The following RNF150 variants were observed in gnomAD, a reference collection of about 807,000 sequenced individuals.
RNF150 encodes the protein ring finger protein 150.
In RNF150, 24 loss-of-function variants were observed where a neutral mutation model predicts 39.3. The observed-to-expected ratio is 0.61, with a 90% CI of 0.44 to 0.86. The LOEUF is 0.86. RNF150 is among the 40% of genes least tolerant of loss of function. RNF150 has a pLI of 0.00. For missense variants in RNF150, 502 were observed against 587.8 expected (o/e 0.85, Z 1.51); for synonymous variants, 255 against 227.3 (o/e 1.12, Z -1.10).
intron 1 of RNF150, among the ~76,000 whole-genome samples, chr4:141,006,261 CGTATATATATACATACATATATACGT>C (rs1361920396): frequency 1.3e-5 from 2 of 148,658 alleles, no homozygotes; most frequent in Non-Finnish European, 3.0e-5. Flanking sequence ...TACATATATA[CGTATATATATACATACATATATACGT>C]ATATATATAC....
At chr4:141,000,810 T>A (rs1225361336) in intron 1 of RNF150, among the ~76,000 whole-genome samples, 1 of 152,186 alleles carries the variant, frequency 6.6e-6, no homozygotes, top group Non-Finnish European at 1.5e-5. Context: ...AAATGTTAAC[T>A]CCTTGACAGG....
At chr4:140,942,159 T>G (rs889440032) in intron 4 of RNF150, among the ~76,000 whole-genome samples, 2 of 152,124 alleles carry the variant, frequency 1.3e-5, no homozygotes, top group African/African-American at 4.8e-5. Flanking sequence ...GTTATATACA[T>G]TTTACCAAAA....
At chr4:141,166,477 G>T (rs4262056) in intron 1 of RNF150, among the ~76,000 whole-genome samples, 36,279 of 152,054 alleles carry the variant, frequency 0.24, 4,982 homozygotes, top group East Asian at 0.64. Context: ...AAACCTGGCA[G>T]AGACACAACA....
At chr4:141,044,726 C>T (rs1287029186) in intron 1 of RNF150, among the ~76,000 whole-genome samples, 1 of 151,994 alleles carries the variant, frequency 6.6e-6, no homozygotes, top group African/African-American at 2.4e-5. Flanking sequence ...AATGCCAATC[C>T]CTACACATGT....
intron 1 of RNF150, among the ~76,000 whole-genome samples, chr4:141,160,766 A>G (rs78038454): frequency 0.016 from 2,395 of 152,268 alleles, 64 homozygotes; most frequent in African/African-American, 0.054. Flanking sequence ...AGTAAGACAT[A>G]TCTGTTGCCA....
At chr4:141,197,351 G>A (rs946557132) in intron 1 of RNF150, among the ~76,000 whole-genome samples, 2 of 152,006 alleles carry the variant, frequency 1.3e-5, no homozygotes, top group Non-Finnish European at 2.9e-5. Flanking sequence ...TCCATTTTTT[G>A]TAGTAGATTA....
At chr4:141,076,906 G>A (rs905892176) in intron 1 of RNF150, among the ~76,000 whole-genome samples, 5 of 152,086 alleles carry the variant, frequency 3.3e-5, no homozygotes, top group Admixed American at 2.0e-4. Flanking sequence ...TGTTTGCAGG[G>A]CAGCTTTGAT....
At chr4:141,125,222 C>A (rs561161759) in intron 1 of RNF150, among the ~76,000 whole-genome samples, 1 of 152,054 alleles carries the variant, frequency 6.6e-6, no homozygotes, top group African/African-American at 2.4e-5. Flanking sequence ...GCAATGAATA[C>A]CTCAAAGTTT....
intron 1 of RNF150, among the ~76,000 whole-genome samples, chr4:141,064,654 T>C (rs1316938125): frequency 6.6e-6 from 1 of 152,130 alleles, no homozygotes; most frequent in Non-Finnish European, 1.5e-5. Flanking sequence ...TAATTATGTT[T>C]ACACTGTACT....
At chr4:140,884,114 C>A (rs1261107735) in intron 6 of RNF150, among the ~76,000 whole-genome samples, 1 of 152,074 alleles carries the variant, frequency 6.6e-6, no homozygotes, top group Non-Finnish European at 1.5e-5. Context: ...GTCTTCAACT[C>A]TTGAATTTCT....
intron 2 of RNF150, among the ~76,000 whole-genome samples, chr4:140,960,819 C>A (rs890160218): frequency 6.6e-6 from 1 of 151,978 alleles, no homozygotes; most frequent in Non-Finnish European, 1.5e-5. Context: ...TTACTATTTG[C>A]GCAGGTGTGG....
At chr4:141,001,239 T>G (rs914617273) in intron 1 of RNF150, among the ~76,000 whole-genome samples, 1 of 152,174 alleles carries the variant, frequency 6.6e-6, no homozygotes, top group Non-Finnish European at 1.5e-5. Context: ...AATTGAATTG[T>G]GTGTTATTCC....
chr4:141,036,281 G>A (rs575517980), intron 1 of RNF150, among the ~76,000 whole-genome samples: 39 of 152,158 alleles, frequency 2.6e-4, no homozygotes, highest in Non-Finnish European at 4.6e-4. Flanking sequence ...CTTAAGATTT[G>A]TTGAATGGAT....
At chr4:141,084,871 G>C (rs55702317) in intron 1 of RNF150, among the ~76,000 whole-genome samples, 27,443 of 152,070 alleles carry the variant, frequency 0.18, 2,721 homozygotes, top group Middle Eastern at 0.23. Context: ...TTCCCATAAA[G>C]AGGAGAGGTC....
intron 1 of RNF150, among the ~76,000 whole-genome samples, chr4:141,121,149 T>C (rs892236906): frequency 3.9e-5 from 6 of 152,174 alleles, no homozygotes; most frequent in East Asian, 3.9e-4. Context: ...ATGGACAGCA[T>C]AGGAGGCTCA....
chr4:140,901,984 C>T (rs1730205065), intron 6 of RNF150, among the ~76,000 whole-genome samples: 1 of 152,076 alleles, frequency 6.6e-6, no homozygotes, highest in South Asian at 2.1e-4. Context: ...GATGCAGAGG[C>T]CAAATGCTTA....
chr4:140,977,683 C>T (rs1482119733), intron 1 of RNF150, among the ~76,000 whole-genome samples: 1 of 152,172 alleles, frequency 6.6e-6, no homozygotes, highest in South Asian at 2.1e-4. Context: ...CTCTCATATA[C>T]TCCCATGTAA....
chr4:141,096,813 C>G (rs1738804650), intron 1 of RNF150, among the ~76,000 whole-genome samples: 1 of 152,198 alleles, frequency 6.6e-6, no homozygotes, highest in Non-Finnish European at 1.5e-5. Flanking sequence ...CCTGCTTAAG[C>G]AAGTGGACAG....
At chr4:140,908,511 T>A (rs1231504416) in intron 6 of RNF150, among the ~76,000 whole-genome samples, 1 of 152,156 alleles carries the variant, frequency 6.6e-6, no homozygotes, top group Admixed American at 6.5e-5. Context: ...TATTTCTTTA[T>A]CCCATCTTTA....
Sources: allele counts gnomAD v4.1 joint callset (sites outside exome capture counted in the v4.1 genomes callset), GRCh38; gene constraint gnomAD v4.1.1; transcripts MANE v1.5; gene names NCBI Gene and HGNC (gene_info 2026-07-23, HGNC 2026-07-21).